Variants in CECR2 observed in about 807,000 individuals in gnomAD.
The protein encoded by CECR2 is chromatin remodeling regulator CECR2.
CECR2 carries 30 observed loss-of-function variants against 154.5 expected under a neutral mutation model. That is an observed-to-expected ratio of 0.19 (90% CI 0.15 to 0.26). The LOEUF is 0.26. Ranked by LOEUF, CECR2 falls within the 10% of genes least tolerant of loss-of-function variation. CECR2 has a pLI of 1.00. For missense variants in CECR2, 1,743 were observed against 1,829.3 expected, an observed-to-expected ratio of 0.95 and a Z score of 0.86; for synonymous variants, 725 against 683.7, an observed-to-expected ratio of 1.06 and a Z score of -0.94.
At chr22:17,465,066 A>G (rs939736078) in intron 1 of CECR2, among the ~76,000 whole-genome samples, 10 of 143,508 alleles carry the variant, frequency 7.0e-5, no homozygotes, top group African/African-American at 1.0e-4. Flanking sequence ...GCGCGATCTC[A>G]GCTCACTGCA....
chr22:17,370,644 G>A (rs1377767221), intron 1 of CECR2, among the ~76,000 whole-genome samples: 1 of 152,148 alleles, frequency 6.6e-6, no homozygotes, highest in Non-Finnish European at 1.5e-5. Context: ...CGCGGAGGAC[G>A]GGCTGGCCAT....
At chr22:17,480,975 G>A (rs530122573) in intron 2 of CECR2, among the ~76,000 whole-genome samples, 1 of 150,592 alleles carries the variant, frequency 6.6e-6, no homozygotes, top group African/African-American at 2.4e-5. Flanking sequence ...GGGAGGCGGA[G>A]GTTGCAGTGA....
intron 1 of CECR2, among the ~76,000 whole-genome samples, chr22:17,395,943 TTAAAAATA>T (rs2053802503): frequency 6.6e-6 from 1 of 152,086 alleles, no homozygotes; most frequent in Non-Finnish European, 1.5e-5. Flanking sequence ...ACATTTTTAA[TTAAAAATA>T]TTTTGAGACC....
intron 1 of CECR2, among the ~76,000 whole-genome samples, chr22:17,464,321 T>C (rs1056376452): frequency 6.6e-5 from 10 of 152,132 alleles, no homozygotes; most frequent in Non-Finnish European, 1.2e-4. Flanking sequence ...AAACTCCTAG[T>C]TCTTAAATTG....
chr22:17,445,525 G>A (rs891323108), intron 1 of CECR2, among the ~76,000 whole-genome samples: 3 of 148,388 alleles, frequency 2.0e-5, no homozygotes, highest in Non-Finnish European at 4.5e-5. Context: ...TATAACCTAT[G>A]CACATTCTGC....
chr22:17,413,707 T>C (rs1182817032), intron 1 of CECR2, among the ~76,000 whole-genome samples: 4 of 151,956 alleles, frequency 2.6e-5, no homozygotes, highest in African/African-American at 4.8e-5. Context: ...GATGGAGTCT[T>C]GCTCTGTCGC....
intron 2 of CECR2, among the ~76,000 whole-genome samples, chr22:17,492,844 G>T (rs2055555361): frequency 6.6e-6 from 1 of 152,208 alleles, no homozygotes; most frequent in Non-Finnish European, 1.5e-5. Context: ...GCAAGGAGAT[G>T]AATGGATGAG....
At chr22:17,447,343 C>T (rs943512016) in intron 1 of CECR2, among the ~76,000 whole-genome samples, 1 of 152,008 alleles carries the variant, frequency 6.6e-6, no homozygotes, top group Non-Finnish European at 1.5e-5. Context: ...TTAGTAGACA[C>T]GGGGTTTCAT....
intron 2 of CECR2, among the ~76,000 whole-genome samples, chr22:17,487,139 A>C (rs866614185): frequency 7.2e-5 from 11 of 152,068 alleles, no homozygotes; most frequent in African/African-American, 2.4e-4. Flanking sequence ...TGATGCTAAC[A>C]CGTTCTTTGC....
intron 1 of CECR2, among the ~76,000 whole-genome samples, chr22:17,416,872 T>G (rs1222637446): frequency 1.3e-5 from 2 of 152,186 alleles, no homozygotes; most frequent in Non-Finnish European, 2.9e-5. Flanking sequence ...GTAGCTTTAC[T>G]TTTTCTCTTT....
At chr22:17,424,368 A>G (rs561702864) in intron 1 of CECR2, 103 of 180,338 alleles carry the variant, frequency 5.7e-4, no homozygotes, top group African/African-American at 2.3e-3. Flanking sequence ...TTCCTCCACA[A>G]TGGGGAGTGT....
intron 1 of CECR2, among the ~76,000 whole-genome samples, chr22:17,380,295 C>G (rs187985179): frequency 1.2e-4 from 18 of 152,202 alleles, no homozygotes; most frequent in East Asian, 9.6e-4. Context: ...TTTTGTACTT[C>G]GTTAGCCATA....
intron 1 of CECR2, among the ~76,000 whole-genome samples, chr22:17,425,465 A>T (rs2054316084): frequency 6.6e-6 from 1 of 152,150 alleles, no homozygotes. Context: ...TGAGTATAGG[A>T]AGTCAAATAA....
intron 8 of CECR2, among the ~76,000 whole-genome samples, chr22:17,512,747 A>T: frequency 6.7e-6 from 1 of 149,882 alleles, no homozygotes; most frequent in African/African-American, 2.5e-5. Flanking sequence ...AGAAAACCTG[A>T]GAGTTTGTGG....
rs556528619 is a variant in CECR2 at position 17,548,849 on chromosome 22, C to A, written c.3562C>A (p.Pro1188Thr). Residue 1188 changes from proline (P) to threonine (T), a missense_variant, in exon 17 of 19, where the codon CCA becomes ACA. Physicochemically the swap from Pro to Thr is conservative, Grantham distance 38. Around this residue, in one of 4 missense-constraint regions of CECR2, gnomAD observed 1,250 missense variants for 1,192.1 expected, o/e 1.05. Transcript: ENST00000262608. ...ACAAGGAATGAGGTATTCCTACCAC[C>A]CACCGCCACAGCCTTCCTACCACCA... ...PPQGMRYSYHPPPQPSYHHYQ... is the reference protein window; with the variant it reads ...PPQGMRYSYHTPPQPSYHHYQ... The A allele has an allele frequency of 2.5e-6, 4 of 1,613,608 alleles. No individual in the cohort carries two copies. In the South Asian group the frequency reaches 4.4e-5, roughly 18 times the overall value.
At position 17,537,088 on chromosome 22, in the gene CECR2, T is replaced by C; in HGVS notation, c.1109-15T>C. On this transcript the variant is annotated splice_polypyrimidine_tract_variant and intron_variant, in intron 9 of 18. Transcript: ENST00000262608. ...GGAGTGTGCTTAGCTCACTCAGCCT[T>C]TGTGTTCATTGTAGATCGAGCGAAG... 6.2e-7 allele frequency: 1 copy of C among 1,613,440 alleles called. No homozygotes were observed. The highest frequency in any genetic ancestry group is 8.5e-7 in the Non-Finnish European group (1 of 1,179,656).
At chr22:17,413,534 C>T (rs1292199645) in intron 1 of CECR2, among the ~76,000 whole-genome samples, 1 of 152,112 alleles carries the variant, frequency 6.6e-6, no homozygotes, top group African/African-American at 2.4e-5. Flanking sequence ...GAGTCCTTCA[C>T]TGCAGGACTC....
intron 2 of CECR2, among the ~76,000 whole-genome samples, chr22:17,492,804 T>A (rs1016335203): frequency 1.3e-5 from 2 of 152,206 alleles, no homozygotes; most frequent in African/African-American, 4.8e-5. Context: ...TTCAGAATGA[T>A]GAGAATTACT....
At chr22:17,533,251 C>T (rs889944522) in intron 9 of CECR2, among the ~76,000 whole-genome samples, 2 of 149,822 alleles carry the variant, frequency 1.3e-5, no homozygotes, top group Non-Finnish European at 3.0e-5. Flanking sequence ...ACCCAGGAGG[C>T]AGAGGTTGCA....
Sources: gnomAD v4.1 joint callset for allele counts (sites outside exome capture counted in the v4.1 genomes callset) on GRCh38, gnomAD v4.1.1 for gene constraint, gnomAD v4.1.1 regional missense constraint, MANE v1.5 for transcripts, NCBI Gene and HGNC (gene_info 2026-07-23, HGNC 2026-07-21) for gene names.